The following GRM5 variants were observed in gnomAD, a reference collection of about 807,000 sequenced individuals.
The protein encoded by GRM5 is metabotropic glutamate receptor 5.
GRM5 carries 19 observed loss-of-function variants against 83.1 expected under a neutral mutation model. The observed-to-expected ratio is 0.23, with a 90% CI of 0.16 to 0.34. The LOEUF (loss-of-function observed/expected upper bound fraction) is 0.34, where lower values mean the gene tolerates loss of function less well. GRM5 is among the 10% of genes least tolerant of loss of function. The pLI, the probability that GRM5 is intolerant of heterozygous loss-of-function variation, is 1.00. For synonymous variants in GRM5, 675 were observed against 633.6 expected (o/e 1.07, Z -0.98); for missense variants, 1,160 against 1,588.3 (o/e 0.73, Z 4.58).
intron 3 of GRM5, among the ~76,000 whole-genome samples, chr11:88,767,117 G>A (rs555515889): frequency 4.0e-4 from 61 of 151,970 alleles, no homozygotes; most frequent in African/African-American, 1.4e-3. Flanking sequence ...CCAGTATGCT[G>A]GGATTAGAGA....
rs535028951 is a variant in GRM5, at chr11:88,790,824, G to A, written c.911+59082C>T. Among the ~76,000 whole-genome samples the A allele has an allele frequency of 2.6e-5, 4 of 152,304 alleles. No individual in the cohort carries two copies. In the South Asian group the frequency reaches 8.3e-4, roughly 32 times the overall value. On this transcript the variant is annotated intron_variant, in intron 3 of 9. Coordinates refer to ENST00000305447, the MANE Select transcript of GRM5 (RefSeq NM_001143831.3). ...TAAAAATGAACACAGTAGAAGATAA[G>A]TTTAGAAAGGAAGGCAACGGCTAGC...
chr11:89,028,358 G>A (rs1373629336), intron 2 of GRM5, among the ~76,000 whole-genome samples: 7 of 152,184 alleles, frequency 4.6e-5, no homozygotes, highest in Non-Finnish European at 8.8e-5. Flanking sequence ...CAAGGTAGGA[G>A]GATCACTTGT....
At chr11:88,630,966 G>A (rs1168445738) in intron 4 of GRM5, among the ~76,000 whole-genome samples, 2 of 152,192 alleles carry the variant, frequency 1.3e-5, no homozygotes, top group African/African-American at 4.8e-5. Flanking sequence ...TCAGTACCAT[G>A]TCACAGCTGT....
At chr11:88,604,693 G>C (rs56346772) in intron 5 of GRM5, 25 bp downstream of exon 5, 16,960 of 1,587,444 alleles carry the variant, frequency 0.011, 473 homozygotes, top group African/African-American at 0.095. Flanking sequence ...TCTCTACTCT[G>C]CAGAGGAGAA....
At chr11:89,036,683 TCCC>T (rs1941394039) in intron 2 of GRM5, among the ~76,000 whole-genome samples, 1 of 30,238 alleles carries the variant, frequency 3.3e-5, no homozygotes, top group Non-Finnish European at 6.3e-5. Context: ...TGCCCCAAAG[TCCC>T]TCAACTAGCA....
At chr11:88,778,883 A>G (rs1942916393) in intron 3 of GRM5, among the ~76,000 whole-genome samples, 1 of 152,248 alleles carries the variant, frequency 6.6e-6, no homozygotes, top group Non-Finnish European at 1.5e-5. Flanking sequence ...AAGTTCAAAT[A>G]CATTTTACAT....
intron 2 of GRM5, among the ~76,000 whole-genome samples, chr11:88,955,629 G>C (rs1022061254): frequency 6.6e-6 from 1 of 151,914 alleles, no homozygotes; most frequent in African/African-American, 2.4e-5. Context: ...ATCATACCTT[G>C]TTCCGTCCTT....
chr11:88,948,766 T>C (rs1341006481), intron 2 of GRM5, among the ~76,000 whole-genome samples: 4 of 152,164 alleles, frequency 2.6e-5, no homozygotes, highest in Non-Finnish European at 5.9e-5. Context: ...AAATATTAGT[T>C]TCCAAAGAAA....
At chr11:88,657,445 A>G (rs556910676) in intron 3 of GRM5, among the ~76,000 whole-genome samples, 1 of 152,196 alleles carries the variant, frequency 6.6e-6, no homozygotes, top group Non-Finnish European at 1.5e-5. Context: ...AGGATTCTTT[A>G]TACATATGTA....
At chr11:88,690,572 T>C in intron 3 of GRM5, among the ~76,000 whole-genome samples, 1 of 152,182 alleles carries the variant, frequency 6.6e-6, no homozygotes, top group East Asian at 1.9e-4. Flanking sequence ...AATTTGGCAT[T>C]GATAGGTAAA....
At chr11:88,720,400 A>AAAT (rs1407164227) in intron 3 of GRM5, among the ~76,000 whole-genome samples, 1 of 152,038 alleles carries the variant, frequency 6.6e-6, no homozygotes, top group Non-Finnish European at 1.5e-5. Context: ...TATTACATAT[A>AAAT]AATAATCTGC....
intron 7 of GRM5, among the ~76,000 whole-genome samples, chr11:88,571,257 CATTAGAT>C (rs1192662844): frequency 6.6e-6 from 1 of 152,104 alleles, no homozygotes; most frequent in African/African-American, 2.4e-5. Flanking sequence ...AAAGAAAACT[CATTAGAT>C]ATATGTGTTA....
intron 3 of GRM5, among the ~76,000 whole-genome samples, chr11:88,674,054 G>T (rs936573785): frequency 2.6e-5 from 4 of 151,836 alleles, no homozygotes; most frequent in Non-Finnish European, 4.4e-5. Context: ...CATCTCATTT[G>T]TATGCTGGAT....
intron 3 of GRM5, among the ~76,000 whole-genome samples, chr11:88,844,193 A>G (rs533984258): frequency 1.3e-5 from 2 of 152,310 alleles, no homozygotes; most frequent in East Asian, 1.9e-4. Context: ...GGTGACTTGA[A>G]GTGGAAGCCA....
intron 2 of GRM5, among the ~76,000 whole-genome samples, chr11:88,990,039 C>T (rs1303704557): frequency 6.6e-6 from 1 of 151,376 alleles, no homozygotes; most frequent in African/African-American, 2.4e-5. Flanking sequence ...AGTAGAGACA[C>T]AAAAAACTCT....
At chr11:88,978,749 G>C (rs1195828065) in intron 2 of GRM5, among the ~76,000 whole-genome samples, 2 of 151,726 alleles carry the variant, frequency 1.3e-5, no homozygotes, top group African/African-American at 4.8e-5. Context: ...AGTAACCATA[G>C]AAAAAGCTTT....
intron 4 of GRM5, among the ~76,000 whole-genome samples, chr11:88,607,514 A>G (rs1294217659): frequency 6.6e-6 from 1 of 152,124 alleles, no homozygotes; most frequent in Non-Finnish European, 1.5e-5. Context: ...TTTTAGCACA[A>G]TAGCCTTAAC....
chr11:88,654,571 G>A (rs1031345234), intron 3 of GRM5, among the ~76,000 whole-genome samples: 3 of 152,044 alleles, frequency 2.0e-5, no homozygotes, highest in Non-Finnish European at 4.4e-5. Flanking sequence ...GATTTAAGGG[G>A]AAGAACAGAC....
chr11:88,750,579 G>A (rs1468454487), intron 3 of GRM5, among the ~76,000 whole-genome samples: 1 of 152,114 alleles, frequency 6.6e-6, no homozygotes, highest in East Asian at 1.9e-4. Context: ...TCTGGATCAA[G>A]TGGCCCTGAT....
Sources: allele counts gnomAD v4.1 joint callset (sites outside exome capture counted in the v4.1 genomes callset), GRCh38; gene constraint gnomAD v4.1.1; transcripts MANE v1.5; gene names NCBI Gene and HGNC (gene_info 2026-07-23, HGNC 2026-07-21).